Variants in ZMYM2 observed in about 807,000 individuals in gnomAD.
ZMYM2 encodes the protein zinc finger MYM-type containing 2, also known as zinc finger MYM-type protein 2.
In ZMYM2, 56 loss-of-function variants were observed where a neutral mutation model predicts 162.8. The observed-to-expected ratio is 0.34, with a 90% CI of 0.28 to 0.43. The LOEUF is 0.43. ZMYM2 is among the 20% of genes least tolerant of loss of function. The probability of loss-of-function intolerance (pLI) is 1.00; values close to 1 mark genes in which losing one functional copy is unlikely to be tolerated. For missense variants in ZMYM2, 1,275 were observed against 1,621.8 expected, an observed-to-expected ratio of 0.79 and a Z score of 3.67; for synonymous variants, 510 against 541.6, an observed-to-expected ratio of 0.94 and a Z score of 0.81.
intron 4 of ZMYM2, 115 bp downstream of exon 4, chr13:20,003,250 G>A: frequency 8.0e-7 from 1 of 1,251,510 alleles, no homozygotes; most frequent in Non-Finnish European, 1.1e-6. Flanking sequence ...AAGTCCAGGT[G>A]GCATATGGAT....
the ZMYM2 span, among the ~76,000 whole-genome samples, chr13:19,903,394 C>T: frequency 6.9e-6 from 1 of 145,234 alleles, no homozygotes; most frequent in African/African-American, 2.5e-5. Context: ...AATTTCAGAA[C>T]TTTGGGAGGC....
At chr13:19,889,045 G>A in the ZMYM2 span, among the ~76,000 whole-genome samples, 1 of 151,946 alleles carries the variant, frequency 6.6e-6, no homozygotes, top group African/African-American at 2.4e-5. Flanking sequence ...TACTTTCTGA[G>A]ATCCGACTGC....
At chr13:19,975,936 T>C (rs1349968762) in intron 2 of ZMYM2, among the ~76,000 whole-genome samples, 2 of 152,034 alleles carry the variant, frequency 1.3e-5, no homozygotes, top group African/African-American at 4.8e-5. Flanking sequence ...TTGCCCAGCC[T>C]GGTCTTGAAC....
chr13:20,081,943 G>T (rs1007793053), intron 21 of ZMYM2, 73 bp from the exon 22 acceptor site: 1 of 855,472 alleles, frequency 1.2e-6, no homozygotes, highest in Non-Finnish European at 1.7e-6. Flanking sequence ...AAGAAATACG[G>T]AGTGTAATAT....
chr13:19,899,099 C>T, the ZMYM2 span, among the ~76,000 whole-genome samples: 2 of 151,838 alleles, frequency 1.3e-5, no homozygotes, highest in Non-Finnish European at 2.9e-5. Flanking sequence ...ATTACAGGCG[C>T]GTGCCACCAC....
chr13:19,999,701 T>C (rs1385322369), intron 3 of ZMYM2, among the ~76,000 whole-genome samples: 1 of 152,240 alleles, frequency 6.6e-6, no homozygotes, highest in Non-Finnish European at 1.5e-5. Context: ...GGCTGAGAGC[T>C]AGGCCTCTTG....
chr13:20,069,995 T>C (rs977187979), intron 21 of ZMYM2, among the ~76,000 whole-genome samples: 2 of 151,954 alleles, frequency 1.3e-5, no homozygotes, highest in Non-Finnish European at 2.9e-5. Context: ...ACTTTGTTTT[T>C]CTTTTCATCT....
At chr13:20,045,049 CAAAAAAAAA>C in intron 12 of ZMYM2, among the ~76,000 whole-genome samples, 1 of 47,458 alleles carries the variant, frequency 2.1e-5, no homozygotes, top group South Asian at 8.3e-4. Flanking sequence ...GACTCTGTGT[CAAAAAAAAA>C]AAAAAAAAAA....
chr13:20,051,226 A>G (rs1955296075), intron 12 of ZMYM2, among the ~76,000 whole-genome samples: 1 of 145,914 alleles, frequency 6.9e-6, no homozygotes, highest in African/African-American at 2.5e-5. Flanking sequence ...TGGTAAGTAT[A>G]GGATGGACTT....
intron 4 of ZMYM2, among the ~76,000 whole-genome samples, chr13:20,003,514 A>G (rs185621197): frequency 5.3e-5 from 8 of 152,316 alleles, no homozygotes; most frequent in Admixed American, 3.9e-4. Flanking sequence ...TGGATTTTAT[A>G]TGTGTTTGTT....
At chr13:20,053,322 C>CA (rs1159002386) in intron 14 of ZMYM2, among the ~76,000 whole-genome samples, 1 of 152,206 alleles carries the variant, frequency 6.6e-6, no homozygotes. Flanking sequence ...GGCAACTTTT[C>CA]AAAACCTTCC....
intron 2 of ZMYM2, among the ~76,000 whole-genome samples, chr13:19,967,981 A>G (rs1440303540): frequency 6.6e-6 from 1 of 152,156 alleles, no homozygotes; most frequent in African/African-American, 2.4e-5. Context: ...TTTATCCTCC[A>G]TCGAGATAAA....
rs567107546 is a variant in ZMYM2 at position 20,066,579 on chromosome 13, A to T, written c.3133-272A>T. The T allele has an allele frequency of 3.5e-5, 11 of 310,358 alleles. No homozygotes were observed. In the South Asian group the frequency reaches 1.4e-3, roughly 39 times the overall value. 19.2% of individuals were successfully genotyped at this position (310,358 alleles called of 1,614,324 possible). ...TTTACGATTCATTAGGTGGAAATAG[A>T]TCATCCTCATTGTCTTCAAGTTGAG... On this transcript the variant is annotated intron_variant, in intron 19 of 24. Transcript: ENST00000610343.
the ZMYM2 span, among the ~76,000 whole-genome samples, chr13:19,906,015 C>A: frequency 5.3e-5 from 8 of 151,644 alleles, no homozygotes; most frequent in African/African-American, 1.9e-4. Flanking sequence ...GGTGGTGACA[C>A]CTGTAATCCC....
intron 14 of ZMYM2, among the ~76,000 whole-genome samples, chr13:20,056,522 A>G (rs1426940037): frequency 6.6e-6 from 1 of 152,098 alleles, no homozygotes; most frequent in Non-Finnish European, 1.5e-5. Context: ...AAGGCTTGTG[A>G]GGCTCTCAAT....
At chr13:19,870,811 G>C in the ZMYM2 span, among the ~76,000 whole-genome samples, 1 of 151,568 alleles carries the variant, frequency 6.6e-6, no homozygotes, top group Admixed American at 6.6e-5. Flanking sequence ...ATTTTTAGTA[G>C]AGACGGGGTT....
intron 6 of ZMYM2, among the ~76,000 whole-genome samples, chr13:20,014,187 C>T (rs112420391): frequency 0.025 from 3,822 of 152,236 alleles, 165 homozygotes; most frequent in African/African-American, 0.088. Flanking sequence ...AATTCTCCTG[C>T]CTCAGCTTCC....
At chr13:20,049,338 A>G (rs1375345330) in intron 12 of ZMYM2, among the ~76,000 whole-genome samples, 1 of 151,966 alleles carries the variant, frequency 6.6e-6, no homozygotes, top group Non-Finnish European at 1.5e-5. Flanking sequence ...ATAAAAACCA[A>G]GTGTCTAATT....
chr13:19,990,078 G>C (rs1406296368), intron 2 of ZMYM2, among the ~76,000 whole-genome samples: 2 of 152,110 alleles, frequency 1.3e-5, no homozygotes, highest in Non-Finnish European at 2.9e-5. Flanking sequence ...TAAAACCTGA[G>C]ATTGTATCAC....
Sources: gnomAD v4.1 joint callset for allele counts (sites outside exome capture counted in the v4.1 genomes callset) on GRCh38, gnomAD v4.1.1 for gene constraint, MANE v1.5 for transcripts, NCBI Gene and HGNC (gene_info 2026-07-23, HGNC 2026-07-21) for gene names.